The following SOS2 variants were observed in gnomAD, a reference collection of about 807,000 sequenced individuals.
SOS2 encodes SOS Ras/Rho guanine nucleotide exchange factor 2, also known as son of sevenless homolog 2.
In SOS2, 65 loss-of-function variants were observed where a neutral mutation model predicts 148.2. The ratio of observed to expected loss-of-function variants is 0.44; its 90% CI spans 0.36 to 0.54. The LOEUF is 0.54. Among genes scored for constraint, SOS2 ranks in the 20% least tolerant of loss-of-function variants. The probability of loss-of-function intolerance (pLI) is 0.00; values close to 1 mark genes in which losing one functional copy is unlikely to be tolerated. For missense variants in SOS2, 1,341 were observed against 1,590.2 expected (o/e 0.84, Z 2.67); for synonymous variants, 539 against 537.1 (o/e 1.00, Z -0.05).
rs759750096 is a variant in SOS2, at chr14:50,150,154, T to C, written c.2238A>G (p.Val746=). ...RRKKQAQANG[V]SHNITFESPP... ...GACTTTCAAAGGTAATATTATGGCT[T>C]ACTCCGTTTGCCTGAGCTTGCTTCT... Residue 746 remains valine (V), a synonymous_variant, in exon 14 of 23, where the codon GTA becomes GTG. Transcript: ENST00000216373. 1 of 1,613,430 alleles carries C rather than the reference T, an allele frequency of 6.2e-7. No individual in the cohort carries two copies. Among genetic ancestry groups the C allele is most frequent in the Non-Finnish European group, 8.5e-7 (1 of 1,179,346 alleles).
rs1409054252 is a variant in SOS2 at position 50,130,572 on chromosome 14, G to A, written c.3266C>T (p.Pro1089Leu). Reference sequence around the variant, plus strand: ...AGAAGCAGATACTGGTGGAGTAGATGGTGTATTTGGAGAGGTTGGTGCTGA... The same window carrying A: ...AGAAGCAGATACTGGTGGAGTAGATAGTGTATTTGGAGAGGTTGGTGCTGA... ...TVSAPTSPNT[P>L]STPPVSASSD... The change falls in exon 20 of 23, where the codon CCA becomes CTA. Residue 1089 changes from proline (P) to leucine (L), a missense_variant. Physicochemically the swap from Pro to Leu is moderately conservative, Grantham distance 98. Coordinates refer to ENST00000216373, the MANE Select transcript of SOS2 (RefSeq NM_006939.4). 6.2e-7 allele frequency: 1 copy of A among 1,613,702 alleles called. No individual in the cohort carries two copies.
intron 1 of SOS2, among the ~76,000 whole-genome samples, chr14:50,222,072 C>T (rs1233703930): frequency 6.6e-6 from 1 of 152,092 alleles, no homozygotes; most frequent in East Asian, 1.9e-4. Context: ...TTTAAAGACA[C>T]ACTTTTCATG....
At chr14:50,153,196 A>G (rs1275115627) in intron 12 of SOS2, 23 bp from the exon 13 acceptor site, 6 of 1,378,890 alleles carry the variant, frequency 4.4e-6, no homozygotes, top group Non-Finnish European at 6.2e-6. Context: ...AAAGAAACAC[A>G]TTTTAGTGAA....
chr14:50,140,753 C>G (rs1884245145), intron 16 of SOS2, among the ~76,000 whole-genome samples: 1 of 151,986 alleles, frequency 6.6e-6, no homozygotes, highest in Non-Finnish European at 1.5e-5. Context: ...AAAAAAATGT[C>G]ACTATTCACA....
At chr14:50,122,051 C>T (rs2139479638) in intron 21 of SOS2, among the ~76,000 whole-genome samples, 1 of 152,272 alleles carries the variant, frequency 6.6e-6, no homozygotes, top group East Asian at 1.9e-4. Flanking sequence ...AACCTGACCC[C>T]TTAGCTCCAG....
At chr14:50,228,778 T>C (rs1887456234) in intron 1 of SOS2, among the ~76,000 whole-genome samples, 1 of 152,266 alleles carries the variant, frequency 6.6e-6, no homozygotes, top group Admixed American at 6.5e-5. Context: ...ATTTTTGGTT[T>C]AGATGGTATA....
chr14:50,201,066 A>G lies in SOS2; in HGVS notation c.232T>C (p.Phe78Leu). The G allele has an allele frequency of 6.2e-7, 1 of 1,613,900 alleles. No homozygotes were observed. The change falls in exon 3 of 23, where the codon TTT (phenylalanine) becomes CTT (leucine). Residue 78 changes from phenylalanine to leucine, a missense_variant. Coordinates refer to ENST00000216373, the MANE Select transcript of SOS2 (RefSeq NM_006939.4). ...QDVEERVQKT[F>L]PHPIDKWAIA... ...GCCCATTTATCAATTGGGTGAGGAA[A>G]GGTCTTCTGAACTCGCTCCTGCTCA...
intron 2 of SOS2, among the ~76,000 whole-genome samples, chr14:50,201,438 G>A (rs1886483017): frequency 6.6e-6 from 1 of 151,448 alleles, no homozygotes; most frequent in Non-Finnish European, 1.5e-5. Context: ...AGAAGCTGAG[G>A]TGGGAGGATT....
intron 7 of SOS2, among the ~76,000 whole-genome samples, chr14:50,179,098 T>A (rs1158365435): frequency 6.6e-6 from 1 of 152,138 alleles, no homozygotes; most frequent in African/African-American, 2.4e-5. Context: ...ACATTAAGTA[T>A]GAAATAAAAA....
chr14:50,190,603 A>C (rs190479909), intron 4 of SOS2, among the ~76,000 whole-genome samples: 23 of 152,358 alleles, frequency 1.5e-4, no homozygotes, highest in African/African-American at 5.5e-4. Flanking sequence ...AGGTCTTCCC[A>C]ACCCCAGTTC....
chr14:50,218,349 C>G (rs948225278), intron 1 of SOS2, among the ~76,000 whole-genome samples: 1 of 151,128 alleles, frequency 6.6e-6, no homozygotes, highest in African/African-American at 2.4e-5. Context: ...ATGGCAAAAT[C>G]CTGTCTCTAC....
intron 4 of SOS2, among the ~76,000 whole-genome samples, chr14:50,192,899 A>C (rs2139753726): frequency 6.6e-6 from 1 of 152,238 alleles, no homozygotes; most frequent in South Asian, 2.1e-4. Context: ...AATAGGTTAA[A>C]AACAAAAGAA....
intron 8 of SOS2, among the ~76,000 whole-genome samples, chr14:50,171,870 C>T (rs1885377944): frequency 6.6e-6 from 1 of 151,896 alleles, no homozygotes; most frequent in Non-Finnish European, 1.5e-5. Flanking sequence ...ATTTATTTAC[C>T]CTTTTCTGGT....
At position 50,128,491 on chromosome 14, in the gene SOS2, A is replaced by G. The variant is rs903142529; in HGVS notation, c.3379+1470T>C. Among the ~76,000 whole-genome samples the G allele has an allele frequency of 2.6e-5, 4 of 152,218 alleles. No individual in the cohort carries two copies. In the South Asian group the frequency reaches 8.3e-4, roughly 32 times the overall value. ...ATTATGAACTCCAGGAAACAGAGCTATACAAGAAAGGAAGCATAGCAGTGA... is the reference window on the plus strand; with the variant it reads ...ATTATGAACTCCAGGAAACAGAGCTGTACAAGAAAGGAAGCATAGCAGTGA... On this transcript the variant is annotated intron_variant, in intron 21 of 22. Coordinates refer to ENST00000216373, the MANE Select transcript of SOS2 (RefSeq NM_006939.4).
At chr14:50,178,363 G>A (rs532549492) in intron 7 of SOS2, among the ~76,000 whole-genome samples, 8 of 152,174 alleles carry the variant, frequency 5.3e-5, no homozygotes, top group Admixed American at 1.3e-4. Context: ...CGCCATGATC[G>A]TAAGTTTCCT....
rs568497238 is a variant in SOS2 at position 50,125,092 on chromosome 14, C to CT, written c.3380-4709dup. Among the ~76,000 whole-genome samples, 38 of 152,284 alleles carry CT rather than the reference C, an allele frequency of 2.5e-4. No individual in the cohort carries two copies. The South Asian group carries it at 7.9e-3, about 32-fold the overall frequency. On this transcript the variant is annotated intron_variant, in intron 21 of 22. Coordinates refer to ENST00000216373, the MANE Select transcript of SOS2 (RefSeq NM_006939.4). ...ATTGTGACCTTATTTGGAATATAGT[C>CT]TTTGCAGATGTAATGAAGTTAGGAT... is the stretch of plus-strand genomic sequence containing the variant.
rs1884945738 is a variant in SOS2, at chr14:50,160,088, T to C, written c.1197-2A>G. ...CTATAAAAAGGGCAAACAGGATCTC[T>C]AGAAAAAACAAACAATATAGCTTAT... On this transcript the variant is annotated splice_acceptor_variant, in intron 9 of 22. Transcript: ENST00000216373. LOFTEE classifies it high-confidence loss of function. The C allele has an allele frequency of 1.2e-6, 2 of 1,603,554 alleles. No individual in the cohort carries two copies. The highest frequency in any genetic ancestry group is 1.7e-6 in the Non-Finnish European group (2 of 1,175,120).
intron 6 of SOS2, among the ~76,000 whole-genome samples, chr14:50,182,133 GTTAAATC>G (rs1885763418): frequency 6.6e-6 from 1 of 151,976 alleles, no homozygotes; most frequent in Admixed American, 6.6e-5. Context: ...TTTGTTATCA[GTTAAATC>G]TTAAATATCT....
At chr14:50,145,727 G>C (rs1009977170) in intron 14 of SOS2, 131 bp from the exon 15 acceptor site, 9 of 576,980 alleles carry the variant, frequency 1.6e-5, no homozygotes, top group Admixed American at 3.4e-5. Context: ...AAGTAATTCA[G>C]AGAGGAATAG....
Sources: gnomAD v4.1 joint callset for allele counts (sites outside exome capture counted in the v4.1 genomes callset) on GRCh38, gnomAD v4.1.1 for gene constraint, MANE v1.5 for transcripts, NCBI Gene and HGNC (gene_info 2026-07-23, HGNC 2026-07-21) for gene names.